Variants in ZNF676 observed in about 807,000 individuals in gnomAD.
The protein encoded by ZNF676 is zinc finger protein 676.
ZNF676 carries 4 observed loss-of-function variants against 6.0 expected under a neutral mutation model. The observed-to-expected ratio is 0.67, with a 90% CI of 0.33 to 1.53. ZNF676 has a LOEUF of 1.53. ZNF676 is among the 40% of genes most tolerant of loss of function. The pLI, the probability that ZNF676 is intolerant of heterozygous loss-of-function variation, is 0.06. For synonymous variants in ZNF676, 198 were observed against 223.1 expected, an observed-to-expected ratio of 0.89 and a Z score of 1.00; for missense variants, 644 against 679.7, an observed-to-expected ratio of 0.95 and a Z score of 0.58.
At chr19:22,210,396 G>C (rs281175) in intron 1 of ZNF676, among the ~76,000 whole-genome samples, 6 of 152,124 alleles carry the variant, frequency 3.9e-5, no homozygotes, top group East Asian at 3.9e-4. Flanking sequence ...TGTTTAAAAA[G>C]TGGGGACTCC....
upstream of ZNF676, among the ~76,000 whole-genome samples, chr19:22,218,929 G>GTTGTTTTGTT (rs201613998): frequency 6.7e-5 from 10 of 148,604 alleles, no homozygotes; most frequent in South Asian, 2.1e-4. Flanking sequence ...TTTTGATTTT[G>GTTGTTTTGTT]TTGTTTTGTT....
intron 1 of ZNF676, among the ~76,000 whole-genome samples, chr19:22,214,029 CA>C (rs1568536941): frequency 6.6e-6 from 1 of 152,126 alleles, no homozygotes; most frequent in Non-Finnish European, 1.5e-5. Flanking sequence ...AATGCTTTGT[CA>C]AAAAATGATT....
At chr19:22,244,920 G>A in the ZNF676 span, 1 of 152,224 alleles carries the variant, frequency 6.6e-6, no homozygotes. Flanking sequence ...TGGATCCAGT[G>A]ATATGTCACA....
At chr19:22,207,653 A>G (rs913198853) in intron 1 of ZNF676, among the ~76,000 whole-genome samples, 36 of 152,212 alleles carry the variant, frequency 2.4e-4, no homozygotes, top group African/African-American at 8.7e-4. Context: ...ATCATAAGCA[A>G]AAACAAGAAA....
intron 1 of ZNF676, among the ~76,000 whole-genome samples, chr19:22,204,316 T>C (rs2024055480): frequency 6.6e-6 from 1 of 152,192 alleles, no homozygotes; most frequent in South Asian, 2.1e-4. Context: ...ATAATGTATG[T>C]AAGATTTTTT....
chr19:22,185,618 G>A (rs2145793827), intron 2 of ZNF676, among the ~76,000 whole-genome samples: 1 of 152,212 alleles, frequency 6.6e-6, no homozygotes, highest in East Asian at 1.9e-4. Flanking sequence ...CCAATGCCAG[G>A]AAGCTAAGAA....
chr19:22,210,682 C>G lies in ZNF676; in HGVS notation c.3+4950G>C, dbSNP rs528560352. On this transcript the variant is annotated intron_variant, in intron 1 of 3. Transcript: ENST00000650058. Reference sequence around the variant, plus strand: ...ACTTAGATGGTGCTCTCTTTTCTTACCTACTACACAGCCAGGAAAACACTC... The same window carrying G: ...ACTTAGATGGTGCTCTCTTTTCTTAGCTACTACACAGCCAGGAAAACACTC... Among the ~76,000 whole-genome samples, 12 of 152,236 alleles carry G rather than the reference C, an allele frequency of 7.9e-5. No individual in the cohort carries two copies. The East Asian group carries it at 1.4e-3, about 17-fold the overall frequency.
At chr19:22,206,304 T>TA (rs2024076333) in intron 1 of ZNF676, among the ~76,000 whole-genome samples, 1 of 152,202 alleles carries the variant, frequency 6.6e-6, no homozygotes, top group Non-Finnish European at 1.5e-5. Context: ...GCAATCATTC[T>TA]GATACCAAAA....
the ZNF676 span, among the ~76,000 whole-genome samples, chr19:22,257,919 C>A: frequency 2.0e-5 from 3 of 152,160 alleles, no homozygotes; most frequent in South Asian, 4.1e-4. Flanking sequence ...GTAATGATCA[C>A]CCCAGTGGGG....
the ZNF676 span, among the ~76,000 whole-genome samples, chr19:22,224,786 A>C: frequency 1.3e-5 from 2 of 152,138 alleles, no homozygotes; most frequent in East Asian, 1.9e-4. Flanking sequence ...CCTGAGCCCA[A>C]ATGTTTGAGA....
chr19:22,244,962 TAG>T, the ZNF676 span: 4 of 152,144 alleles, frequency 2.6e-5, no homozygotes, highest in South Asian at 6.2e-4. Context: ...GAGGAAGAAG[TAG>T]AGAGTCACAT....
chr19:22,214,926 A>G (rs1011819979), intron 1 of ZNF676, among the ~76,000 whole-genome samples: 1 of 151,062 alleles, frequency 6.6e-6, no homozygotes, highest in African/African-American at 2.4e-5. Context: ...CTGCAGTCGC[A>G]GCTACTCGGG....
intron 1 of ZNF676, among the ~76,000 whole-genome samples, chr19:22,195,079 T>C (rs939210725): frequency 3.3e-5 from 5 of 152,162 alleles, no homozygotes; most frequent in African/African-American, 7.2e-5. Flanking sequence ...CACAAGATCT[T>C]TGGGTTTTTG....
intron 2 of ZNF676, among the ~76,000 whole-genome samples, chr19:22,190,189 C>G (rs575265373): frequency 6.6e-6 from 1 of 151,976 alleles, no homozygotes; most frequent in African/African-American, 2.4e-5. Context: ...TACTATGCAG[C>G]CATAAAAAAA....
chr19:22,181,871 ACT>A (rs959352724), intron 2 of ZNF676, among the ~76,000 whole-genome samples: 3 of 151,784 alleles, frequency 2.0e-5, no homozygotes, highest in Admixed American at 1.3e-4. Flanking sequence ...ACCCAATACA[ACT>A]CTTTCTGCTC....
At position 22,180,032 on chromosome 19, in the gene ZNF676, T is replaced by G. The variant is rs771632820; in HGVS notation, c.1685A>C (p.Lys562Thr). Residue 562 changes from lysine (K) to threonine (T), a missense_variant, in exon 3 of 3, where the codon AAA (lysine) becomes ACA (threonine). Lys to Thr is a moderately conservative substitution (Grantham distance 78, BLOSUM62 -1). Transcript: ENST00000397121. ...AAAAGCTTTGCCACATTCTTCACATTTGTAGGGTTTCTCTCCAGTATGAAT... is the reference window on the plus strand; with the variant it reads ...AAAAGCTTTGCCACATTCTTCACATGTGTAGGGTTTCTCTCCAGTATGAAT... ...KRIHTGEKPYKCEECGKAFKS... is the reference protein window; with the variant it reads ...KRIHTGEKPYTCEECGKAFKS... 3.1e-6 allele frequency: 5 copies of G among 1,613,956 alleles called. No homozygotes were observed. The highest frequency in any genetic ancestry group is 1.7e-4 in the Middle Eastern group (1 of 6,060).
chr19:22,256,878 C>A, the ZNF676 span, among the ~76,000 whole-genome samples: 1 of 152,204 alleles, frequency 6.6e-6, no homozygotes, highest in Admixed American at 6.5e-5. Context: ...AGGTGGTGGA[C>A]CCAGCCATAT....
upstream of ZNF676, among the ~76,000 whole-genome samples, chr19:22,198,408 G>C (rs924174621): frequency 2.0e-5 from 3 of 152,232 alleles, no homozygotes; most frequent in Non-Finnish European, 4.4e-5. Flanking sequence ...ACTCATTAGG[G>C]AGGAAAAACA....
At chr19:22,235,534 T>C in the ZNF676 span, among the ~76,000 whole-genome samples, 8 of 152,234 alleles carry the variant, frequency 5.3e-5, no homozygotes, top group Non-Finnish European at 1.2e-4. Flanking sequence ...TGACAGGCCC[T>C]GGACCACTGG....
Sources: allele counts gnomAD v4.1 joint callset (sites outside exome capture counted in the v4.1 genomes callset), GRCh38; gene constraint gnomAD v4.1.1; transcripts MANE v1.5; gene names NCBI Gene and HGNC (gene_info 2026-07-23, HGNC 2026-07-21).